Variants in GRIA2 observed in about 807,000 individuals in gnomAD.
GRIA2 encodes the protein glutamate ionotropic receptor AMPA type subunit 2.
In GRIA2, 14 loss-of-function variants were observed where a neutral mutation model predicts 97.3. The ratio of observed to expected loss-of-function variants is 0.14; its 90% CI spans 0.10 to 0.23. GRIA2 has a LOEUF of 0.23. Ranked by LOEUF, GRIA2 falls within the 10% of genes least tolerant of loss-of-function variation. The probability of loss-of-function intolerance (pLI) is 1.00; values close to 1 mark genes in which losing one functional copy is unlikely to be tolerated. For synonymous variants in GRIA2, 412 were observed against 387.8 expected (o/e 1.06, Z -0.73); for missense variants, 558 against 1,069.8 (o/e 0.52, Z 6.67).
intron 2 of GRIA2, among the ~76,000 whole-genome samples, chr4:157,252,827 A>T (rs1434697191): frequency 6.6e-6 from 1 of 152,108 alleles, no homozygotes; most frequent in Non-Finnish European, 1.5e-5. Context: ...GGTTTCAAAG[A>T]ATAATATCCA....
At chr4:157,341,243 C>T in intron 11 of GRIA2, 21 bp from the exon 12 acceptor site, 2 of 1,547,318 alleles carry the variant, frequency 1.3e-6, no homozygotes, top group Non-Finnish European at 1.8e-6. Context: ...CTTTACAAAT[C>T]CATTTCATAC....
chr4:157,349,197 A>G (rs925617343), intron 12 of GRIA2, among the ~76,000 whole-genome samples: 2 of 152,164 alleles, frequency 1.3e-5, no homozygotes, highest in African/African-American at 4.8e-5. Flanking sequence ...TGTAGAAAGT[A>G]TCGTGGTCCT....
intron 12 of GRIA2, among the ~76,000 whole-genome samples, chr4:157,349,552 G>A (rs983179448): frequency 1.4e-5 from 2 of 145,564 alleles, no homozygotes; most frequent in African/African-American, 2.6e-5. Context: ...GCTTGGCAGT[G>A]GGACATATAG....
chr4:157,344,726 A>G (rs1446967868), intron 12 of GRIA2, among the ~76,000 whole-genome samples: 1 of 152,060 alleles, frequency 6.6e-6, no homozygotes, highest in Non-Finnish European at 1.5e-5. Context: ...ATTTTCTGCT[A>G]TCACTGAGTT....
chr4:157,221,466 C>T (rs1361526917), intron 1 of GRIA2: 1 of 593,812 alleles, frequency 1.7e-6, no homozygotes, highest in Non-Finnish European at 3.0e-6. Flanking sequence ...CCGCCTACCT[C>T]GCCTTCAGAC....
At chr4:157,313,643 A>G (rs1734183733) in intron 4 of GRIA2, among the ~76,000 whole-genome samples, 1 of 152,106 alleles carries the variant, frequency 6.6e-6, no homozygotes, top group Admixed American at 6.6e-5. Flanking sequence ...ATAGTGGCAC[A>G]GCATCAACAT....
chr4:157,321,643 G>C (rs1734573921), intron 6 of GRIA2, 44 bp downstream of exon 6: 1 of 1,373,240 alleles, frequency 7.3e-7, no homozygotes, highest in African/African-American at 1.4e-5. Context: ...CATATGTGAG[G>C]AGAGAGAAGA....
At chr4:157,265,835 T>G (rs2126778784) in intron 2 of GRIA2, among the ~76,000 whole-genome samples, 1 of 152,212 alleles carries the variant, frequency 6.6e-6, no homozygotes, top group African/African-American at 2.4e-5. Flanking sequence ...TTGGGTAGTT[T>G]TAAGCAGCAT....
At chr4:157,226,164 A>G (rs1219540751) in intron 2 of GRIA2, among the ~76,000 whole-genome samples, 2 of 152,082 alleles carry the variant, frequency 1.3e-5, no homozygotes, top group Non-Finnish European at 2.9e-5. Flanking sequence ...AATTCCATAC[A>G]ACAAAATAAA....
chr4:157,355,291 G>A (rs899013832), intron 12 of GRIA2, among the ~76,000 whole-genome samples: 1 of 152,006 alleles, frequency 6.6e-6, no homozygotes, highest in East Asian at 1.9e-4. Flanking sequence ...ACTTTGGGAG[G>A]CCAAAGCAGG....
chr4:157,344,708 A>C (rs1042674321), intron 12 of GRIA2, among the ~76,000 whole-genome samples: 1 of 151,910 alleles, frequency 6.6e-6, no homozygotes, highest in Non-Finnish European at 1.5e-5. Flanking sequence ...TAGTTATATT[A>C]TTGTTAAATT....
chr4:157,325,112 T>C (rs1029683311), intron 6 of GRIA2, among the ~76,000 whole-genome samples: 2 of 152,220 alleles, frequency 1.3e-5, no homozygotes, highest in Admixed American at 1.3e-4. Context: ...ATAGAAATTA[T>C]ATCAAATCGT....
chr4:157,278,371 C>A (rs1732443940), intron 2 of GRIA2, among the ~76,000 whole-genome samples: 1 of 151,726 alleles, frequency 6.6e-6, no homozygotes, highest in Admixed American at 6.6e-5. Context: ...ATACAATGGG[C>A]AAAGGTAGTC....
At chr4:157,243,161 A>G (rs1453936751) in intron 2 of GRIA2, among the ~76,000 whole-genome samples, 1 of 152,136 alleles carries the variant, frequency 6.6e-6, no homozygotes, top group Non-Finnish European at 1.5e-5. Flanking sequence ...GCAAATGTCC[A>G]TGAATGACTG....
chr4:157,288,523 G>T (rs935047451), intron 2 of GRIA2, among the ~76,000 whole-genome samples: 7 of 151,680 alleles, frequency 4.6e-5, no homozygotes, highest in Non-Finnish European at 8.8e-5. Flanking sequence ...ATAGTGGATA[G>T]CATATGGCCC....
intron 11 of GRIA2, among the ~76,000 whole-genome samples, chr4:157,338,258 A>C (rs1484207119): frequency 6.6e-6 from 1 of 151,826 alleles, no homozygotes; most frequent in East Asian, 1.9e-4. Flanking sequence ...AGAACAATGA[A>C]GTATGTTACC....
chr4:157,260,545 T>A (rs1452588547), intron 2 of GRIA2, among the ~76,000 whole-genome samples: 1 of 152,076 alleles, frequency 6.6e-6, no homozygotes, highest in Non-Finnish European at 1.5e-5. Flanking sequence ...TCCCCCTGCC[T>A]TTAAAACATA....
At chr4:157,323,798 G>A (rs1474451989) in intron 6 of GRIA2, among the ~76,000 whole-genome samples, 1 of 152,140 alleles carries the variant, frequency 6.6e-6, no homozygotes. Context: ...CAAAACTAGT[G>A]CCAGATTTCA....
At chr4:157,342,194 A>T in intron 12 of GRIA2, 2 of 960,842 alleles carry the variant, frequency 2.1e-6, no homozygotes, top group Non-Finnish European at 2.5e-6. Flanking sequence ...GTGACATATA[A>T]TGGTCTCTGA....
Sources: allele counts gnomAD v4.1 joint callset (sites outside exome capture counted in the v4.1 genomes callset), GRCh38; gene constraint gnomAD v4.1.1; transcripts MANE v1.5; gene names NCBI Gene and HGNC (gene_info 2026-07-23, HGNC 2026-07-21).